CSDE1: variants seen among roughly 807,000 people sequenced by gnomAD.
The protein encoded by CSDE1 is cold shock domain-containing protein E1.
In CSDE1, 17 loss-of-function variants were observed where a neutral mutation model predicts 89.3. That is an observed-to-expected ratio of 0.19 (90% CI 0.13 to 0.29). The LOEUF is 0.29. Ranked by LOEUF, CSDE1 falls within the 10% of genes least tolerant of loss-of-function variation. CSDE1 has a pLI of 1.00. For synonymous variants in CSDE1, 322 were observed against 332.8 expected (o/e 0.97, Z 0.35); for missense variants, 672 against 984.2 (o/e 0.68, Z 4.24).
chr1:114,755,200 T>C (rs1436743749), intron 1 of CSDE1, among the ~76,000 whole-genome samples: 3 of 152,228 alleles, frequency 2.0e-5, no homozygotes, highest in Non-Finnish European at 4.4e-5. Flanking sequence ...CAGCCACACG[T>C]GGCTGGCGGC....
chr1:114,742,100 T>C (rs1014033101), intron 2 of CSDE1, among the ~76,000 whole-genome samples: 1 of 152,216 alleles, frequency 6.6e-6, no homozygotes, highest in Non-Finnish European at 1.5e-5. Context: ...GTATTTATAG[T>C]CTAGGTTTCA....
intron 16 of CSDE1, 102 bp downstream of exon 16, chr1:114,723,781 A>T: frequency 6.6e-7 from 1 of 1,519,502 alleles, no homozygotes; most frequent in Non-Finnish European, 9.1e-7. Context: ...ATTCAGTTTT[A>T]AACCTAAAAA....
chr1:114,721,208 AG>A (rs1659503047), intron 16 of CSDE1, among the ~76,000 whole-genome samples: 1 of 152,114 alleles, frequency 6.6e-6, no homozygotes, highest in Non-Finnish European at 1.5e-5. Flanking sequence ...TCCCTCACAT[AG>A]GTTCCTTTTT....
intron 2 of CSDE1, among the ~76,000 whole-genome samples, chr1:114,742,112 C>T (rs1164076865): frequency 2.0e-5 from 3 of 152,082 alleles, no homozygotes; most frequent in South Asian, 2.1e-4. Context: ...TAGGTTTCAC[C>T]GAGTTGGTAT....
chr1:114,719,624 T>C lies in CSDE1; in HGVS notation c.2171A>G (p.Asn724Ser). The C allele has an allele frequency of 1.9e-6, 3 of 1,614,050 alleles. No individual in the cohort carries two copies. The South Asian group carries it at 3.3e-5, about 18-fold the overall frequency. Residue 724 changes from asparagine (N) to serine (S), a missense_variant, in exon 18 of 20, where the codon AAT (asparagine) becomes AGT (serine). Asn to Ser is a conservative substitution (Grantham distance 46, BLOSUM62 1). Coordinates refer to ENST00000358528, the MANE Select transcript of CSDE1 (RefSeq NM_001007553.3). ...GGCGCTGCACTTGCCAGTGCGCTGA[T>C]TAAGAATCACTGAGAACTCCACCTC... ...GDEVEFSVIL[N>S]QRTGKCSACN...
chr1:114,729,257 C>T lies in CSDE1; in HGVS notation c.1356+1001G>A, dbSNP rs1316907193. ...GGGATTACAGGTGCCCACTACTATG[C>T]CCGGCTAATTTTTTTGTATTTTTAG... On this transcript the variant is annotated intron_variant, in intron 12 of 19. Transcript: ENST00000358528. Among the ~76,000 whole-genome samples the T allele has an allele frequency of 3.3e-5, 5 of 151,920 alleles. No individual in the cohort carries two copies. The South Asian group carries it at 1.0e-3, about 31-fold the overall frequency.
chr1:114,755,943 G>C (rs1053291744), intron 1 of CSDE1, among the ~76,000 whole-genome samples: 8 of 152,118 alleles, frequency 5.3e-5, no homozygotes, highest in Non-Finnish European at 1.2e-4. Context: ...AAAAACACTG[G>C]AACACTAAAT....
At chr1:114,736,315 A>C (rs1660398926) in intron 6 of CSDE1, among the ~76,000 whole-genome samples, 1 of 152,066 alleles carries the variant, frequency 6.6e-6, no homozygotes, top group South Asian at 2.1e-4. Flanking sequence ...AACCAATCAC[A>C]CTTCCTTGTT....
chr1:114,725,143 G>A (rs1435689675), intron 15 of CSDE1, 78 bp downstream of exon 15: 1 of 1,044,924 alleles, frequency 9.6e-7, no homozygotes, highest in East Asian at 2.4e-5. Context: ...GAATAATTAG[G>A]CCTCATCTCC....
chr1:114,741,492 C>T, intron 2 of CSDE1: 1 of 1,528,494 alleles, frequency 6.5e-7, no homozygotes, highest in Non-Finnish European at 8.8e-7. Context: ...TAACACAAAG[C>T]AAGGTAAGCT....
rs558362678 is a variant in CSDE1, at chr1:114,737,966, T to C, written c.306A>G (p.Gly102=). The change falls in exon 4 of 20, where the codon GGA becomes GGG. Residue 102 remains glycine (G), a synonymous_variant. Coordinates refer to ENST00000358528, the MANE Select transcript of CSDE1 (RefSeq NM_001007553.3). ...ACAAAGCATCAAAGTCACTAACTTGTCCATTCATTCGTTCTTCAGGGAGGA... is the reference window on the plus strand; with the variant it reads ...ACAAAGCATCAAAGTCACTAACTTGCCCATTCATTCGTTCTTCAGGGAGGA... The part of the protein sequence containing the change: ...QEILPEERMN[G]QVVCAVPHNL... The C allele has an allele frequency of 3.2e-5, 52 of 1,604,330 alleles. No individual in the cohort carries two copies. The highest frequency in any genetic ancestry group is 4.1e-5 in the Non-Finnish European group (48 of 1,171,160).
At chr1:114,724,931 T>C (rs1217917047) in intron 15 of CSDE1, among the ~76,000 whole-genome samples, 1 of 152,170 alleles carries the variant, frequency 6.6e-6, no homozygotes, top group African/African-American at 2.4e-5. Context: ...ATTGAAAATA[T>C]AAAGCAAATT....
chr1:114,725,189 C>T, intron 15 of CSDE1, 32 bp downstream of exon 15: 4 of 1,555,236 alleles, frequency 2.6e-6, no homozygotes, highest in Non-Finnish European at 3.6e-6. Context: ...CACTTAAAAG[C>T]ACAGGCTGAA....
rs797005726 is a variant in CSDE1, at chr1:114,731,616, A to T, written c.1051-968T>A. 7.2e-5 allele frequency among the ~76,000 whole-genome samples: 11 copies of T among 152,322 alleles called. No homozygotes were observed. The South Asian group carries it at 2.1e-3, about 29-fold the overall frequency. Reference sequence around the variant, plus strand: ...TTATGTCTGAGAAAATGAGTTCATAAAACATGTTTGGGAAAAAATCTGGTT... The same window carrying T: ...TTATGTCTGAGAAAATGAGTTCATATAACATGTTTGGGAAAAAATCTGGTT... On this transcript the variant is annotated intron_variant, in intron 10 of 19. Coordinates refer to ENST00000358528, the MANE Select transcript of CSDE1 (RefSeq NM_001007553.3).
At chr1:114,737,134 T>C (rs113654093) in intron 5 of CSDE1, among the ~76,000 whole-genome samples, 40 of 152,094 alleles carry the variant, frequency 2.6e-4, no homozygotes, top group African/African-American at 8.2e-4. Flanking sequence ...AAAAAAACAA[T>C]TTTATATAAG....
intron 12 of CSDE1, among the ~76,000 whole-genome samples, 174 bp downstream of exon 12, chr1:114,730,084 A>G (rs1660020665): frequency 6.6e-6 from 1 of 152,202 alleles, no homozygotes; most frequent in South Asian, 2.1e-4. Context: ...TTCATCCCAA[A>G]ATGTCAATAA....
chr1:114,749,396 CA>C lies in CSDE1; in HGVS notation c.-1+424del, dbSNP rs948603694. ...GTATACCGTTCACAAATATGCACTG[CA>C]AATGTAGGCATGGATATAAAGTAAG... On this transcript the variant is annotated intron_variant, in intron 2 of 19. Transcript: ENST00000358528. Among the ~76,000 whole-genome samples, 4 of 152,128 alleles carry C rather than the reference CA, an allele frequency of 2.6e-5. No individual in the cohort carries two copies. In the East Asian group the frequency reaches 5.8e-4, roughly 22 times the overall value.
Position 114,734,514 on chromosome 1 carries a change from A to G in CSDE1, c.510T>C (p.Ala170=), listed in dbSNP as rs1291354467. 1 of 1,612,112 alleles carries G rather than the reference A, an allele frequency of 6.2e-7. No homozygotes were observed. Among genetic ancestry groups the G allele is most frequent in the Non-Finnish European group, 8.5e-7 (1 of 1,179,388 alleles). ...FVIDNNKHTG[A]VSARNIMLLK... is the part of the protein sequence containing the mutation. ...ACAGCATAATGTTGCGAGCACTTAC[A>G]GCACCAGTACTAGAAAAAAAATAAT... Residue 170 remains alanine, a synonymous_variant, in exon 7 of 20, where the codon GCT becomes GCC. Transcript: ENST00000358528.
chr1:114,753,545 A>C (rs899168680), intron 1 of CSDE1, among the ~76,000 whole-genome samples: 1 of 152,140 alleles, frequency 6.6e-6, no homozygotes. Flanking sequence ...GCTACTAACC[A>C]CCTCTTTTGC....
Sources: gnomAD v4.1 joint callset for allele counts (sites outside exome capture counted in the v4.1 genomes callset) on GRCh38, gnomAD v4.1.1 for gene constraint, MANE v1.5 for transcripts, NCBI Gene and HGNC (gene_info 2026-07-23, HGNC 2026-07-21) for gene names.